CXXC1: variants seen among roughly 807,000 people sequenced by gnomAD.
CXXC1 encodes CXXC finger protein 1, also known as CXXC-type zinc finger protein 1.
CXXC1 carries 21 observed loss-of-function variants against 83.6 expected under a neutral mutation model. The observed-to-expected ratio is 0.25, with a 90% confidence interval of 0.18 to 0.36. CXXC1 has a LOEUF of 0.36. Ranked by LOEUF, CXXC1 falls within the 10% of genes least tolerant of loss-of-function variation. The pLI is 1.00. For missense variants in CXXC1, 688 were observed against 919.5 expected, an observed-to-expected ratio of 0.75 and a Z score of 3.26; for synonymous variants, 371 against 337.5, an observed-to-expected ratio of 1.10 and a Z score of -1.09.
At chr18:50,286,990 C>A in intron 1 of CXXC1, 132 bp from the exon 2 acceptor site, 1 of 686,340 alleles carries the variant, frequency 1.5e-6, no homozygotes, top group Non-Finnish European at 2.6e-6. Context: ...CCCCAAAAAA[C>A]CTCTCCATCA....
In CXXC1 at chr18:50,284,570, G is replaced by A. The variant is rs368873721; in HGVS notation, c.1021-8C>T. The A allele has an allele frequency of 2.1e-5, 34 of 1,582,188 alleles. No homozygotes were observed. Among genetic ancestry groups the A allele is most frequent in the Non-Finnish European group, 2.8e-5 (33 of 1,162,034 alleles). On this transcript the variant is annotated splice_polypyrimidine_tract_variant and splice_region_variant and intron_variant, in intron 8 of 14. Transcript: ENST00000285106. Reference sequence around the variant, plus strand: ...CTTGTATCGCTCCTCCTTCTGTTGAGCAAGACAAGTCAGGTCAGGGTGGAG... The same window carrying A: ...CTTGTATCGCTCCTCCTTCTGTTGAACAAGACAAGTCAGGTCAGGGTGGAG...
In CXXC1 at chr18:50,284,556, C is replaced by T. The variant is rs1280410000; in HGVS notation, c.1027G>A (p.Glu343Lys). The T allele has an allele frequency of 6.3e-7, 1 of 1,585,466 alleles. No individual in the cohort carries two copies. Among genetic ancestry groups the T allele is most frequent in the East Asian group, 2.2e-5 (1 of 44,608 alleles). Residue 343 changes from glutamate to lysine, a missense_variant, in exon 9 of 15, where the codon GAG becomes AAG. Physicochemically the swap from Glu to Lys is moderately conservative, Grantham distance 56 (BLOSUM62 1). This residue lies in a region of CXXC1 where 190 missense variants were observed against 199.7 expected (regional missense o/e 0.95). Coordinates refer to ENST00000285106, the MANE Select transcript of CXXC1 (RefSeq NM_014593.4). ...REKKSEKKKE[E>K]RYKRHRQKQK... ...TTCTGCCGATGCCGCTTGTATCGCT[C>T]CTCCTTCTGTTGAGCAAGACAAGTC... is the stretch of plus-strand genomic sequence containing the variant.
In CXXC1 at chr18:50,284,542, C is replaced by T; in HGVS notation, c.1041G>A (p.Arg347=). The T allele has an allele frequency of 6.3e-7, 1 of 1,587,932 alleles. No individual in the cohort carries two copies. The highest frequency in any genetic ancestry group is 8.6e-7 in the Non-Finnish European group (1 of 1,166,126). The change falls in exon 9 of 15, where the codon CGG becomes CGA. Residue 347 remains arginine, a synonymous_variant. Transcript: ENST00000285106. ...CCTTGTGCTTCTGCTTCTGCCGATG[C>T]CGCTTGTATCGCTCCTCCTTCTGTT... The part of the protein sequence containing the change: ...SEKKKEERYK[R]HRQKQKHKDK...
At position 50,287,637 on chromosome 18, in the gene CXXC1, G is replaced by A; in HGVS notation, c.-48C>T. 1.2e-6 allele frequency: 2 copies of A among 1,607,466 alleles called. No homozygotes were observed. The highest frequency in any genetic ancestry group is 2.2e-5 in the East Asian group (1 of 44,834). On this transcript the variant is annotated 5_prime_UTR_variant, in exon 1 of 15. Transcript: ENST00000285106. ...CTCACGACCCCCGCCAGCGACCCGC[G>A]AACCTGCACAGACCACTCGGCGGCG...
intron 13 of CXXC1, 57 bp from the exon 14 acceptor site, chr18:50,283,063 G>A: frequency 1.9e-6 from 3 of 1,582,636 alleles, no homozygotes; most frequent in South Asian, 1.1e-5. Flanking sequence ...AATAGGAATG[G>A]GGGCTCAAGG....
At chr18:50,287,547 G>A in intron 1 of CXXC1, 40 bp downstream of exon 1, 1 of 1,611,046 alleles carries the variant, frequency 6.2e-7, no homozygotes, top group Non-Finnish European at 8.5e-7. Context: ...CCAACCGACC[G>A]ACCTCCACCG....
At position 50,282,349 on chromosome 18, in the gene CXXC1, G is replaced by A. The variant is rs181494023; in HGVS notation, c.*244C>T. 29 of 559,756 alleles carry A rather than the reference G, an allele frequency of 5.2e-5. No homozygotes were observed. The highest frequency in any genetic ancestry group is 5.1e-4 in the African/African-American group (27 of 53,334). 34.7% of individuals were successfully genotyped at this position (559,756 alleles called of 1,614,324 possible). A position where few individuals can be genotyped will look rare whatever the true frequency, so the allele number is the denominator to read the frequency against. ...GCAGCAATGTGGAGACAGCTTCCTT[G>A]GTTTCTTCAAAATTTTATTAACAAA... On this transcript the variant is annotated 3_prime_UTR_variant, in exon 15 of 15. Transcript: ENST00000285106. This position sits in a 1 kb window ranked among gnomAD's most constrained non-coding sequence, Gnocchi z 5.8.
intron 12 of CXXC1, 52 bp downstream of exon 12, chr18:50,283,463 T>C: frequency 6.2e-7 from 1 of 1,611,420 alleles, no homozygotes; most frequent in Non-Finnish European, 8.5e-7. Flanking sequence ...ACATCCCACT[T>C]CTGACCCCCG....
chr18:50,283,083 GAA>G, intron 13 of CXXC1, 77 bp from the exon 14 acceptor site: 2 of 1,517,512 alleles, frequency 1.3e-6, no homozygotes, highest in Non-Finnish European at 1.8e-6. Flanking sequence ...GAGGGAGAAG[GAA>G]AAGAATGGAG....
chr18:50,283,929 G>A lies in CXXC1; in HGVS notation c.1378C>T (p.Arg460Cys), dbSNP rs373217701. The change falls in exon 10 of 15, where the codon CGT becomes TGT. Residue 460 changes from arginine to cysteine, a missense_variant. By Grantham distance (180) the Arg-to-Cys change is radical. Transcript: ENST00000285106. ...RFHELEAIIL[R>C]AKQQAVREDE... ...TCGCGCACAGCCTGCTGCTTGGCAC[G>A]TAGAATGATGGCCTCAAGCTCATGG... 4.3e-6 allele frequency: 7 copies of A among 1,613,930 alleles called. No individual in the cohort carries two copies. Among genetic ancestry groups the A allele is most frequent in the African/African-American group, 2.7e-5 (2 of 74,934 alleles).
chr18:50,286,832 A>G lies in CXXC1; in HGVS notation c.30T>C (p.Pro10=). 2 of 1,613,788 alleles carry G rather than the reference A, an allele frequency of 1.2e-6. No homozygotes were observed. The highest frequency in any genetic ancestry group is 1.7e-6 in the Non-Finnish European group (2 of 1,179,820). The change falls in exon 2 of 15, where the codon CCT becomes CCC. Residue 10 remains proline (P), a synonymous_variant. Coordinates refer to ENST00000285106, the MANE Select transcript of CXXC1 (RefSeq NM_014593.4). ...ACTTGCTGTCCTCCCCGGCATCTGGAGGCTCTGGGTCTGAACCATCTCCCT... is the reference window on the plus strand; with the variant it reads ...ACTTGCTGTCCTCCCCGGCATCTGGGGGCTCTGGGTCTGAACCATCTCCCT... MEGDGSDPE[P]PDAGEDSKSE...
In CXXC1 at chr18:50,286,787, C is replaced by T; in HGVS notation, c.75G>A (p.Ala25=). The T allele has an allele frequency of 6.2e-7, 1 of 1,614,106 alleles. No homozygotes were observed. Residue 25 remains alanine (A), a synonymous_variant, in exon 2 of 15, where the codon GCG becomes GCA. Transcript: ENST00000285106. ...EDSKSENGEN[A]PIYCICRKPD... is the part of the protein sequence containing the mutation. The stretch of plus-strand genomic sequence containing the variant: ...GTTTGCGGCAGATGCAGTAGATGGG[C>T]GCATTCTCCCCATTCTCGGACTTGC...
rs745681137 is a variant in CXXC1, at chr18:50,284,992, G to A, written c.912+10C>T. 13 of 1,613,954 alleles carry A rather than the reference G, an allele frequency of 8.1e-6. No homozygotes were observed. The Middle Eastern group carries it at 8.2e-4, about 102-fold the overall frequency. On this transcript the variant is annotated intron_variant, in intron 7 of 14. Coordinates refer to ENST00000285106, the MANE Select transcript of CXXC1 (RefSeq NM_014593.4). The stretch of plus-strand genomic sequence containing the variant: ...CACCCTTCCACCAGTGGATGCTCCT[G>A]TCTGCTCACCAGGCCATGGTCATCA...
At chr18:50,283,211 G>T in intron 13 of CXXC1, 54 bp downstream of exon 13, 2 of 1,457,412 alleles carry the variant, frequency 1.4e-6, no homozygotes, top group South Asian at 1.1e-5. Flanking sequence ...ATGAATGTGG[G>T]ACAGCGAGGC....
In CXXC1 at chr18:50,285,935, G is replaced by A; in HGVS notation, c.460-7C>T. On this transcript the variant is annotated splice_polypyrimidine_tract_variant and splice_region_variant and intron_variant, in intron 4 of 14. Transcript: ENST00000285106. This position sits in a 1 kb window ranked among gnomAD's most constrained non-coding sequence, Gnocchi z 4.4. ...GCTGCTGCTGCTGGTGATGCTGCAG[G>A]AGGGGGCCCAGAACAGAAATCATGG... The A allele has an allele frequency of 1.9e-6, 3 of 1,613,988 alleles. No individual in the cohort carries two copies. Among genetic ancestry groups the A allele is most frequent in the East Asian group, 2.2e-5 (1 of 44,888 alleles).
chr18:50,286,067 C>T lies in CXXC1; in HGVS notation c.414G>A (p.Ser138=), dbSNP rs568303411. ...VGAMLARGSA[S]PHKSSPQPLV... ...AGGGCTGCGGAGAGGATTTGTGGGG[C>T]GAAGCAGAGCCCCGAGCAAGCATGG... Residue 138 remains serine (S), a synonymous_variant, in exon 4 of 15, where the codon TCG becomes TCA. Coordinates refer to ENST00000285106, the MANE Select transcript of CXXC1 (RefSeq NM_014593.4). 7.1e-5 allele frequency: 115 copies of T among 1,613,908 alleles called. No homozygotes were observed. The highest frequency in any genetic ancestry group is 3.5e-4 in the South Asian group (32 of 91,074).
chr18:50,287,128 G>GT, intron 1 of CXXC1: 2 of 521,766 alleles, frequency 3.8e-6, no homozygotes, highest in Admixed American at 6.5e-5. Flanking sequence ...ACCCTCCATC[G>GT]TGGCGCCTCA....
chr18:50,284,121 C>T lies in CXXC1; in HGVS notation c.1206-20G>A. On this transcript the variant is annotated intron_variant, in intron 9 of 14. Coordinates refer to ENST00000285106, the MANE Select transcript of CXXC1 (RefSeq NM_014593.4). ...ATGCGGCTGCAGGGAAGGTAGCAAG[C>T]AACAGAATGAGTGAGGTGATCAGTA... is the stretch of plus-strand genomic sequence containing the variant. 1.3e-6 allele frequency: 2 copies of T among 1,596,928 alleles called. No homozygotes were observed. The highest frequency in any genetic ancestry group is 4.5e-5 in the East Asian group (2 of 44,608).
In CXXC1 at chr18:50,282,968, A is replaced by G; in HGVS notation, c.1710T>C (p.Arg570=). 6.2e-7 allele frequency: 1 copy of G among 1,614,118 alleles called. No homozygotes were observed. The highest frequency in any genetic ancestry group is 1.3e-5 in the African/African-American group (1 of 75,008). The stretch of plus-strand genomic sequence containing the variant: ...AGTCACCCGTGAGCTCAAAGACATC[A>G]CGTACAAGGGGGCACCCGCATACCT... ...ADEVCGCPLV[R]DVFELTGDFC... is the part of the protein sequence containing the mutation. The change falls in exon 14 of 15, where the codon CGT becomes CGC. Residue 570 remains arginine, a synonymous_variant. Transcript: ENST00000285106. The surrounding 1 kb of genome is among the most constrained non-coding windows in gnomAD (Gnocchi z 5.8).
Sources: gnomAD v4.1 joint callset for allele counts on GRCh38, gnomAD v4.1.1 for gene constraint, gnomAD v4.1.1 regional missense constraint, Gnocchi (gnomAD v3.1) non-coding constraint, MANE v1.5 for transcripts, NCBI Gene and HGNC (gene_info 2026-07-23, HGNC 2026-07-21) for gene names.